TTLL8: variants seen among roughly 807,000 people sequenced by gnomAD.
The protein encoded by TTLL8 is tubulin tyrosine ligase like 8, also known as protein monoglycylase TTLL8.
A neutral mutation model predicts 77.8 loss-of-function variants in TTLL8; 65 were observed. That is an observed-to-expected ratio of 0.84 (90% CI 0.68 to 1.03). The LOEUF (loss-of-function observed/expected upper bound fraction) is 1.03, where lower values mean the gene tolerates loss of function less well. Among genes scored for constraint, TTLL8 ranks in the 50% least tolerant of loss-of-function variants. The pLI is 0.00. For synonymous variants in TTLL8, 402 were observed against 422.8 expected, an observed-to-expected ratio of 0.95 and a Z score of 0.60; for missense variants, 910 against 1,004.5, an observed-to-expected ratio of 0.91 and a Z score of 1.27.
chr22:50,055,234 C>G (rs1183852229), upstream of TTLL8: 2 of 1,288,574 alleles, frequency 1.6e-6, no homozygotes, highest in Non-Finnish European at 2.0e-6. Flanking sequence ...GAGCATTTAC[C>G]TTGATTGCTT....
chr22:50,035,093 T>C (rs374893075), intron 8 of TTLL8, among the ~76,000 whole-genome samples: 1 of 151,716 alleles, frequency 6.6e-6, no homozygotes, highest in South Asian at 2.1e-4. Context: ...AGTTCGGGGG[T>C]GCACTCCTGC....
At chr22:50,030,450 C>T (rs767966901) in exon 12 of TTLL8, 2 of 1,335,502 alleles carry the variant, frequency 1.5e-6, no homozygotes, top group South Asian at 2.3e-5. Context: ...GGGCGGCGGA[C>T]GCAGCGCGCC....
chr22:50,028,494 G>C (rs1195246390), intron 12 of TTLL8, among the ~76,000 whole-genome samples: 1 of 152,142 alleles, frequency 6.6e-6, no homozygotes, highest in African/African-American at 2.4e-5. Flanking sequence ...CGTGGGGCAA[G>C]AGGCATCTCC....
Position 50,044,702 on chromosome 22 carries a change from C to T in TTLL8, c.643+553G>A, listed in dbSNP as rs760507266. On this transcript the variant is annotated intron_variant, in intron 6 of 13. Transcript: ENST00000266182. The surrounding 1 kb of genome is among the most constrained non-coding windows in gnomAD (Gnocchi z 4.2). ...GTTGGCGGTGCAGGAGGCGCGGGGG[C>T]AGGAGAGTGTGGTAAATCTTGTACC... 2.5e-4 allele frequency among the ~76,000 whole-genome samples: 38 copies of T among 152,280 alleles called. No individual in the cohort carries two copies. Among genetic ancestry groups the T allele is most frequent in the Admixed American group, 7.2e-4 (11 of 15,290 alleles).
intron 12 of TTLL8, among the ~76,000 whole-genome samples, chr22:50,029,361 GACCCCCACACACCCTCGTA>G (rs1569221845): frequency 4.8e-5 from 5 of 103,104 alleles, no homozygotes; most frequent in East Asian, 3.1e-4. Context: ...CCGTCCTAAA[GACCCCCACACACCCTCGTA>G]AAGACCCCAT....
At chr22:50,023,684 AAAATAAATAAATAAATAAATAAAT>A (rs56403599) in intron 12 of TTLL8, among the ~76,000 whole-genome samples, 1 of 149,416 alleles carries the variant, frequency 6.7e-6, no homozygotes, top group Non-Finnish European at 1.5e-5. Context: ...ACTCCGTCTC[AAAATAAATAAATAAATAAATAAAT>A]AAATAAATAA....
chr22:50,045,452 C>T, intron 5 of TTLL8, 63 bp from the exon 8 acceptor site: 2 of 1,333,828 alleles, frequency 1.5e-6, no homozygotes, highest in South Asian at 2.3e-5. Flanking sequence ...GGAGATGGGG[C>T]CAGGGCCACG....
At chr22:50,038,417 G>C in intron 8 of TTLL8, among the ~76,000 whole-genome samples, 1 of 151,928 alleles carries the variant, frequency 6.6e-6, no homozygotes, top group African/African-American at 2.4e-5. Flanking sequence ...ACAGAAGTCT[G>C]ATGATGAGCA....
At chr22:50,055,826 C>T (rs938657810), upstream of TTLL8, among the ~76,000 whole-genome samples, 10 of 151,700 alleles carry the variant, frequency 6.6e-5, no homozygotes, top group East Asian at 2.0e-4. Context: ...GACGTGTCAG[C>T]GGTGTGTGAA....
intron 9 of TTLL8, among the ~76,000 whole-genome samples, chr22:50,033,705 G>A (rs1388813284): frequency 6.6e-6 from 1 of 152,252 alleles, no homozygotes; most frequent in Admixed American, 6.5e-5. Flanking sequence ...GGGACACAGA[G>A]ATCAGTGAAG....
chr22:50,030,554 A>C (rs752497039), exon 12 of TTLL8: 1 of 1,318,076 alleles, frequency 7.6e-7, no homozygotes, highest in East Asian at 4.8e-5. Flanking sequence ...CTACGGGGAC[A>C]CCGGTGTTTG....
chr22:50,053,221 C>CAA (rs55893423), intron 1 of TTLL8, among the ~76,000 whole-genome samples: 17,380 of 102,812 alleles, frequency 0.17, 1,627 homozygotes, highest in East Asian at 0.31. Context: ...GACTCCATCT[C>CAA]AAAAAAAAAA....
At chr22:50,032,800 C>G (rs868113930) in intron 10 of TTLL8, among the ~76,000 whole-genome samples, 1 of 152,164 alleles carries the variant, frequency 6.6e-6, no homozygotes, top group Non-Finnish European at 1.5e-5. Flanking sequence ...CGCGGGGACC[C>G]GGGTGAGGTG....
chr22:50,032,290 CAG>C (rs1295434006), intron 10 of TTLL8, among the ~76,000 whole-genome samples, 181 bp from the exon 12 acceptor site: 2 of 152,342 alleles, frequency 1.3e-5, no homozygotes, highest in East Asian at 1.9e-4. Context: ...GATGGAGAAA[CAG>C]GGCTCAGAGA....
In TTLL8 at chr22:50,049,243, A is replaced by C. The variant is rs755675554; in HGVS notation, c.264+6T>G. ...CAGCTGACCATGACGCATGCAGGGGACGTACCATCACGTCGTGGATGTTGT... is the reference window on the plus strand; with the variant it reads ...CAGCTGACCATGACGCATGCAGGGGCCGTACCATCACGTCGTGGATGTTGT... On this transcript the variant is annotated splice_donor_region_variant and intron_variant, in intron 3 of 13. Coordinates refer to ENST00000266182, the Ensembl canonical transcript of TTLL8. 2.2e-6 allele frequency: 3 copies of C among 1,367,518 alleles called. No homozygotes were observed. The highest frequency in any genetic ancestry group is 4.2e-4 in the Middle Eastern group (2 of 4,716). 84.7% of individuals were successfully genotyped at this position (1,367,518 alleles called of 1,614,324 possible).
exon 2 of TTLL8, chr22:50,050,217 A>G (rs779011204): frequency 5.2e-6 from 7 of 1,350,782 alleles, no homozygotes; most frequent in Non-Finnish European, 6.9e-6. Flanking sequence ...ACCACCGGGT[A>G]GTGTCCGTAG....
intron 12 of TTLL8, among the ~76,000 whole-genome samples, chr22:50,026,007 G>A (rs969205863): frequency 7.2e-5 from 11 of 152,276 alleles, no homozygotes; most frequent in African/African-American, 1.7e-4. Flanking sequence ...CCTTCATGAC[G>A]TAGTGGTGCC....
At chr22:50,030,569 C>T in exon 12 of TTLL8, 1 of 1,310,982 alleles carries the variant, frequency 7.6e-7, no homozygotes, top group Non-Finnish European at 1.0e-6. Flanking sequence ...TGTTTGGGGC[C>T]TGACTGTCCA....
intron 3 of TTLL8, 196 bp downstream of exon 5, chr22:50,049,053 A>G (rs2061429120): frequency 1.5e-6 from 1 of 687,356 alleles, no homozygotes; most frequent in South Asian, 6.5e-5. Flanking sequence ...CGGCTCATCC[A>G]GCACCGAAGG....
Sources: allele counts gnomAD v4.1 joint callset (sites outside exome capture counted in the v4.1 genomes callset), GRCh38; gene constraint gnomAD v4.1.1; non-coding constraint Gnocchi (gnomAD v3.1); transcripts MANE v1.5; gene names NCBI Gene and HGNC (gene_info 2026-07-23, HGNC 2026-07-21).